Variants in TOM1L2 observed in about 807,000 individuals in gnomAD.
The protein encoded by TOM1L2 is target of myb1 like 2 membrane trafficking protein.
Under a neutral mutation model 67.9 loss-of-function variants are expected in TOM1L2, and 31 were observed. The observed-to-expected ratio is 0.46, with a 90% CI of 0.34 to 0.62. TOM1L2 has a LOEUF of 0.62. TOM1L2 is among the 20% of genes least tolerant of loss of function. The probability of loss-of-function intolerance (pLI) is 0.01; values close to 1 mark genes in which losing one functional copy is unlikely to be tolerated. For synonymous variants in TOM1L2, 256 were observed against 254.0 expected (o/e 1.01, Z -0.07); for missense variants, 606 against 663.5 (o/e 0.91, Z 0.95).
chr17:17,852,864 TAAAAAAAAAAAA>T (rs552138706), intron 12 of TOM1L2, among the ~76,000 whole-genome samples: 6 of 37,726 alleles, frequency 1.6e-4, no homozygotes, highest in African/African-American at 6.1e-4. Context: ...AAACTCTGTC[TAAAAAAAAAAAA>T]AAAAAAAAAA....
At chr17:17,966,166 A>T (rs150803663) in intron 1 of TOM1L2, among the ~76,000 whole-genome samples, 297 of 152,210 alleles carry the variant, frequency 2.0e-3, no homozygotes, top group African/African-American at 6.6e-3. Flanking sequence ...AAAAGCCTTT[A>T]GCTATTATTA....
chr17:17,964,525 T>C (rs538173997), intron 1 of TOM1L2, among the ~76,000 whole-genome samples: 2 of 152,260 alleles, frequency 1.3e-5, no homozygotes, highest in Non-Finnish European at 2.9e-5. Context: ...ACGCACATTG[T>C]GGAGATTTTT....
In TOM1L2 at chr17:17,903,103, C is replaced by T. The variant is rs1328890495; in HGVS notation, c.137+4344G>A. Among the ~76,000 whole-genome samples, 8 of 152,260 alleles carry T rather than the reference C, an allele frequency of 5.3e-5. 1 individual carries two copies. The South Asian group carries it at 1.5e-3, about 28-fold the overall frequency. On this transcript the variant is annotated intron_variant, in intron 2 of 14. Transcript: ENST00000379504. ...CACTTCCTCCAAGAAGGCTTTGCTG[C>T]CAAAAGTCCCAAGGCTGACCACTGC...
At chr17:17,895,122 T>C (rs577497915) in intron 3 of TOM1L2, among the ~76,000 whole-genome samples, 5 of 152,272 alleles carry the variant, frequency 3.3e-5, no homozygotes, top group South Asian at 2.1e-4. Context: ...TATCCTCCCA[T>C]AGGACAGGTA....
chr17:17,852,046 C>T (rs1368552006), intron 12 of TOM1L2, among the ~76,000 whole-genome samples: 1 of 152,212 alleles, frequency 6.6e-6, no homozygotes, highest in African/African-American at 2.4e-5. Flanking sequence ...ACCTCCTCAC[C>T]TACCCTGGCT....
intron 7 of TOM1L2, chr17:17,869,732 A>G: frequency 8.9e-7 from 1 of 1,128,884 alleles, no homozygotes; most frequent in Non-Finnish European, 1.1e-6. Context: ...TGCTTGTACA[A>G]ATCATTAAAA....
At chr17:17,883,480 A>G (rs2144073025) in intron 5 of TOM1L2, among the ~76,000 whole-genome samples, 1 of 152,122 alleles carries the variant, frequency 6.6e-6, no homozygotes, top group African/African-American at 2.4e-5. Context: ...TACGCCTGTA[A>G]TCTCAGCACT....
At chr17:17,970,673 T>TA (rs1200647673) in intron 1 of TOM1L2, among the ~76,000 whole-genome samples, 2 of 152,186 alleles carry the variant, frequency 1.3e-5, no homozygotes, top group Non-Finnish European at 2.9e-5. Context: ...TCATGCATTA[T>TA]AAAAGATACT....
At chr17:17,944,996 G>A (rs1400669373) in intron 1 of TOM1L2, among the ~76,000 whole-genome samples, 3 of 152,244 alleles carry the variant, frequency 2.0e-5, no homozygotes, top group Admixed American at 6.5e-5. Context: ...CCGCACTGCC[G>A]CCGCCACACT....
At chr17:17,913,320 G>A (rs1006199719) in intron 1 of TOM1L2, among the ~76,000 whole-genome samples, 1 of 150,920 alleles carries the variant, frequency 6.6e-6, no homozygotes, top group African/African-American at 2.5e-5. Flanking sequence ...GAGCTGCAAG[G>A]GGAATGGACA....
intron 1 of TOM1L2, 32 bp from the exon 2 acceptor site, chr17:17,907,563 T>C: frequency 6.2e-7 from 1 of 1,604,204 alleles, no homozygotes. Context: ...GGGTTTACAT[T>C]TCTCCTGGAA....
intron 14 of TOM1L2, among the ~76,000 whole-genome samples, chr17:17,848,064 C>T (rs1256763798): frequency 6.6e-6 from 1 of 152,160 alleles, no homozygotes; most frequent in Non-Finnish European, 1.5e-5. Flanking sequence ...GTCCATTTTC[C>T]AGATCAGCAC....
chr17:17,952,862 G>A (rs2041269868), intron 1 of TOM1L2, among the ~76,000 whole-genome samples: 1 of 152,154 alleles, frequency 6.6e-6, no homozygotes, highest in Admixed American at 6.5e-5. Context: ...TGCTGGTCCT[G>A]CTGCAGGAAG....
intron 1 of TOM1L2, among the ~76,000 whole-genome samples, chr17:17,965,241 C>T (rs1369020911): frequency 6.6e-6 from 1 of 152,162 alleles, no homozygotes; most frequent in Non-Finnish European, 1.5e-5. Flanking sequence ...CATGCCTCCC[C>T]AGTACCTCTA....
At chr17:17,857,939 G>A (rs1033393903) in intron 12 of TOM1L2, 5 of 1,251,026 alleles carry the variant, frequency 4.0e-6, no homozygotes, top group African/African-American at 1.5e-5. Flanking sequence ...CTCTTCAGAC[G>A]TGATCCTTTG....
intron 1 of TOM1L2, among the ~76,000 whole-genome samples, chr17:17,928,669 C>A (rs1217392665): frequency 6.6e-6 from 1 of 152,192 alleles, no homozygotes; most frequent in African/African-American, 2.4e-5. Context: ...GCCCCTATTG[C>A]TTGTCTAATG....
At chr17:17,871,184 T>G (rs1233653995) in intron 7 of TOM1L2, among the ~76,000 whole-genome samples, 3 of 149,508 alleles carry the variant, frequency 2.0e-5, no homozygotes, top group Non-Finnish European at 3.0e-5. Context: ...TCCTGGCTAA[T>G]ACGGTGAAAC....
intron 1 of TOM1L2, among the ~76,000 whole-genome samples, chr17:17,938,781 T>TA (rs5819637): frequency 4.0e-5 from 6 of 151,448 alleles, no homozygotes; most frequent in East Asian, 1.9e-4. Context: ...TTTTTTTTTT[T>TA]AATATTTTGT....
intron 2 of TOM1L2, among the ~76,000 whole-genome samples, chr17:17,900,027 C>G (rs1380713846): frequency 6.6e-6 from 1 of 152,110 alleles, no homozygotes; most frequent in East Asian, 1.9e-4. Flanking sequence ...GCCTGGCCAA[C>G]ATGGTGAAAC....
Sources: allele counts gnomAD v4.1 joint callset (sites outside exome capture counted in the v4.1 genomes callset), GRCh38; gene constraint gnomAD v4.1.1; transcripts MANE v1.5; gene names NCBI Gene and HGNC (gene_info 2026-07-23, HGNC 2026-07-21).